MICU1: variants seen among roughly 807,000 people sequenced by gnomAD.
The protein encoded by MICU1 is calcium uptake protein 1, mitochondrial.
In MICU1, 45 loss-of-function variants were observed where a neutral mutation model predicts 56.8. That is an observed-to-expected ratio of 0.79 (90% CI 0.62 to 1.02). The LOEUF (loss-of-function observed/expected upper bound fraction) is 1.02. Among genes scored for constraint, MICU1 ranks in the 50% least tolerant of loss-of-function variants. The probability of loss-of-function intolerance (pLI) is 0.00; values close to 1 mark genes in which losing one functional copy is unlikely to be tolerated. For missense variants in MICU1, 504 were observed against 587.1 expected (o/e 0.86, Z 1.46); for synonymous variants, 186 against 195.1 (o/e 0.95, Z 0.39).
intron 9 of MICU1, among the ~76,000 whole-genome samples, chr10:72,419,885 G>A (rs1564856709): frequency 6.6e-6 from 1 of 152,088 alleles, no homozygotes; most frequent in African/African-American, 2.4e-5. Flanking sequence ...TCGAATTGTA[G>A]CTCCCATAAT....
intron 9 of MICU1, among the ~76,000 whole-genome samples, chr10:72,415,618 T>C (rs1256078024): frequency 2.0e-5 from 3 of 152,178 alleles, no homozygotes; most frequent in African/African-American, 4.8e-5. Flanking sequence ...TCACAACATG[T>C]CCATGATTTC....
chr10:72,440,658 A>C (rs1864891352), intron 8 of MICU1, among the ~76,000 whole-genome samples: 2 of 152,356 alleles, frequency 1.3e-5, no homozygotes, highest in South Asian at 4.1e-4. Context: ...CATCTGACAA[A>C]GGGCTAATAT....
At chr10:72,472,085 C>G (rs1865968680) in intron 8 of MICU1, among the ~76,000 whole-genome samples, 1 of 152,074 alleles carries the variant, frequency 6.6e-6, no homozygotes, top group African/African-American at 2.4e-5. Context: ...CCAAATAAAG[C>G]TCTGGAAGCA....
chr10:72,537,628 C>T (rs146088763), intron 4 of MICU1, among the ~76,000 whole-genome samples: 107 of 152,238 alleles, frequency 7.0e-4, no homozygotes, highest in Middle Eastern at 6.8e-3. Flanking sequence ...GATAAGAAAG[C>T]CAAGGCTCAG....
intron 8 of MICU1, among the ~76,000 whole-genome samples, chr10:72,425,192 C>T (rs1033238852): frequency 6.6e-6 from 1 of 152,236 alleles, no homozygotes; most frequent in African/African-American, 2.4e-5. Flanking sequence ...CAAGGCTGTG[C>T]TCCCTGCTCT....
chr10:72,513,649 C>A (rs998560883), intron 5 of MICU1, among the ~76,000 whole-genome samples: 15 of 152,072 alleles, frequency 9.9e-5, no homozygotes, highest in Non-Finnish European at 2.2e-4. Flanking sequence ...TTTACCCCTA[C>A]TTTTCTACTA....
At chr10:72,488,789 C>T (rs1339539282) in intron 6 of MICU1, among the ~76,000 whole-genome samples, 3 of 152,068 alleles carry the variant, frequency 2.0e-5, no homozygotes, top group Non-Finnish European at 4.4e-5. Context: ...TTTTTTGAGG[C>T]AAGATCAAGG....
intron 7 of MICU1, among the ~76,000 whole-genome samples, chr10:72,476,810 C>T (rs950157603): frequency 1.3e-5 from 2 of 152,110 alleles, no homozygotes; most frequent in African/African-American, 4.8e-5. Flanking sequence ...TTATAGAAAT[C>T]CTTTAAGAAA....
intron 10 of MICU1, among the ~76,000 whole-genome samples, chr10:72,407,708 T>G (rs1863673652): frequency 6.6e-6 from 1 of 152,178 alleles, no homozygotes; most frequent in Admixed American, 6.6e-5. Context: ...CATTTAAAGA[T>G]AGGCACCTGC....
intron 9 of MICU1, among the ~76,000 whole-genome samples, chr10:72,413,739 TA>T (rs1295150866): frequency 7.8e-5 from 11 of 141,772 alleles, no homozygotes; most frequent in Non-Finnish European, 1.2e-4. Context: ...GTCTCAAAAA[TA>T]AAAAAAAAAG....
chr10:72,561,272 C>T (rs1236911299), intron 3 of MICU1, among the ~76,000 whole-genome samples: 1 of 152,114 alleles, frequency 6.6e-6, no homozygotes, highest in Non-Finnish European at 1.5e-5. Flanking sequence ...GAAGTAGGTT[C>T]AAAATAAATG....
chr10:72,405,111 G>A (rs908781052), intron 10 of MICU1, among the ~76,000 whole-genome samples: 1 of 152,036 alleles, frequency 6.6e-6, no homozygotes, highest in Non-Finnish European at 1.5e-5. Context: ...GTTTCACCAT[G>A]TTGGCGAGGC....
At chr10:72,419,110 T>G (rs747554842) in intron 9 of MICU1, among the ~76,000 whole-genome samples, 16 of 152,226 alleles carry the variant, frequency 1.1e-4, no homozygotes, top group Admixed American at 7.9e-4. Flanking sequence ...TGCTTTTAAG[T>G]GTAAACTCAC....
intron 6 of MICU1, among the ~76,000 whole-genome samples, chr10:72,480,091 AAAGAAGATCAG>A (rs1269332881): frequency 6.6e-6 from 1 of 152,220 alleles, no homozygotes; most frequent in African/African-American, 2.4e-5. Flanking sequence ...GGCCAGCTTT[AAAGAAGATCAG>A]AAGCTCTTTT....
At chr10:72,454,450 G>A (rs867005102) in intron 8 of MICU1, among the ~76,000 whole-genome samples, 16 of 147,002 alleles carry the variant, frequency 1.1e-4, no homozygotes, top group South Asian at 8.7e-4. Context: ...GTGAAACTCC[G>A]TCTCACATTT....
rs75090765 is a variant in MICU1, at chr10:72,432,036, T to C, written c.934-8665A>G. On this transcript the variant is annotated intron_variant, in intron 8 of 11. Transcript: ENST00000361114. ...TTTTTAAAAATAGCAGTGCTGATAC[T>C]TGTCTCATTAGCTTAAGATTAAAAA... is the stretch of plus-strand genomic sequence containing the variant. 2.7e-3 allele frequency among the ~76,000 whole-genome samples: 414 copies of C among 152,076 alleles called. 3 individuals carry two copies. The highest frequency in any genetic ancestry group is 9.4e-3 in the African/African-American group (391 of 41,504).
intron 1 of MICU1, among the ~76,000 whole-genome samples, chr10:72,616,667 A>AC (rs1841991255): frequency 6.6e-6 from 1 of 150,910 alleles, no homozygotes; most frequent in South Asian, 2.1e-4. Context: ...AAAAAAAAAA[A>AC]CACACTATTC....
intron 1 of MICU1, among the ~76,000 whole-genome samples, chr10:72,607,985 T>C (rs1841738325): frequency 6.6e-6 from 1 of 152,184 alleles, no homozygotes; most frequent in African/African-American, 2.4e-5. Context: ...GCTGAGTGAC[T>C]GCGTGTTATG....
intron 10 of MICU1, among the ~76,000 whole-genome samples, chr10:72,402,208 T>C (rs951964567): frequency 2.6e-5 from 4 of 151,546 alleles, no homozygotes; most frequent in Non-Finnish European, 4.4e-5. Context: ...GCCTGAGGTA[T>C]GTGAGGTGTG....
Sources: gnomAD v4.1 joint callset for allele counts (sites outside exome capture counted in the v4.1 genomes callset) on GRCh38, gnomAD v4.1.1 for gene constraint, MANE v1.5 for transcripts, NCBI Gene and HGNC (gene_info 2026-07-23, HGNC 2026-07-21) for gene names.